Variants in MAN1A2 observed in about 807,000 individuals in gnomAD.
MAN1A2 encodes mannosyl-oligosaccharide 1,2-alpha-mannosidase IB.
A neutral mutation model predicts 75.7 loss-of-function variants in MAN1A2; 26 were observed. That is an observed-to-expected ratio of 0.34 (90% CI 0.25 to 0.48). The LOEUF is 0.48. MAN1A2 is among the 20% of genes least tolerant of loss of function. The probability of loss-of-function intolerance (pLI) is 0.99; values close to 1 mark genes in which losing one functional copy is unlikely to be tolerated. For missense variants in MAN1A2, 562 were observed against 775.5 expected, an observed-to-expected ratio of 0.72 and a Z score of 3.27; for synonymous variants, 247 against 264.6, an observed-to-expected ratio of 0.93 and a Z score of 0.65.
At chr1:117,445,892 A>ATATATATATATATG (rs1649218292) in intron 6 of MAN1A2, among the ~76,000 whole-genome samples, 1 of 144,558 alleles carries the variant, frequency 6.9e-6, no homozygotes, top group South Asian at 2.1e-4. Flanking sequence ...GTGTATATAT[A>ATATATATATATATG]TATATATGTA....
intron 8 of MAN1A2, among the ~76,000 whole-genome samples, chr1:117,478,079 G>A (rs1282400279): frequency 2.0e-5 from 3 of 152,120 alleles, no homozygotes; most frequent in East Asian, 3.9e-4. Context: ...ACTTACAAGG[G>A]ATGTGAAGGA....
chr1:117,372,762 TA>T (rs1258447758), intron 1 of MAN1A2, among the ~76,000 whole-genome samples: 1 of 151,768 alleles, frequency 6.6e-6, no homozygotes, highest in Non-Finnish European at 1.5e-5. Flanking sequence ...CTTTTTTTTT[TA>T]AAACTGACAT....
chr1:117,433,530 GA>G (rs1221338938), intron 5 of MAN1A2, among the ~76,000 whole-genome samples: 2 of 152,154 alleles, frequency 1.3e-5, no homozygotes, highest in Non-Finnish European at 2.9e-5. Context: ...GCATTGTAAT[GA>G]AAATCTTAGC....
At chr1:117,482,599 C>G (rs1650536114) in intron 8 of MAN1A2, among the ~76,000 whole-genome samples, 1 of 151,378 alleles carries the variant, frequency 6.6e-6, no homozygotes, top group Non-Finnish European at 1.5e-5. Context: ...TGTTTTTTTT[C>G]TTGTAAATTT....
In MAN1A2 at chr1:117,514,784, A is replaced by G. The variant is rs562327422; in HGVS notation, c.1794-8041A>G. ...TGAGGGGAAAAAACGGTTAGAGAAG[A>G]CTGAAAAACAAAGCCACTATTTCCT... On this transcript the variant is annotated intron_variant, in intron 12 of 12. Transcript: ENST00000356554. 7.6e-6 allele frequency: 4 copies of G among 529,588 alleles called. No individual in the cohort carries two copies. The East Asian group carries it at 1.6e-4, about 22-fold the overall frequency. 32.8% of individuals were successfully genotyped at this position (529,588 alleles called of 1,614,324 possible).
At chr1:117,464,894 A>G (rs1649936476) in intron 7 of MAN1A2, among the ~76,000 whole-genome samples, 1 of 152,186 alleles carries the variant, frequency 6.6e-6, no homozygotes, top group Non-Finnish European at 1.5e-5. Context: ...GTAATTTGTT[A>G]AAAAAGAACA....
chr1:117,520,706 A>C lies in MAN1A2; in HGVS notation c.1794-2119A>C, dbSNP rs564646540. Among the ~76,000 whole-genome samples, 3 of 152,128 alleles carry C rather than the reference A, an allele frequency of 2.0e-5. No homozygotes were observed. In the South Asian group the frequency reaches 6.2e-4, roughly 32 times the overall value. On this transcript the variant is annotated intron_variant, in intron 12 of 12. Transcript: ENST00000356554. Reference sequence around the variant, plus strand: ...CAGATGGAAACATCCCATGCTCATGAATGGGTAGAATGAATATTGTGAAAA... The same window carrying C: ...CAGATGGAAACATCCCATGCTCATGCATGGGTAGAATGAATATTGTGAAAA...
chr1:117,424,012 T>C (rs1648287762), intron 5 of MAN1A2, among the ~76,000 whole-genome samples: 1 of 151,716 alleles, frequency 6.6e-6, no homozygotes. Context: ...CCTTCCATAA[T>C]TGATTTTTAT....
In MAN1A2 at chr1:117,415,334, CT is replaced by C. The variant is rs1647953839; in HGVS notation, c.774+504del. On this transcript the variant is annotated intron_variant, in intron 4 of 12. Transcript: ENST00000356554. ...TATTTTCATTATCACCAGTCTTCAC[CT>C]AAAAGATGTGTGGACTGTTTTGTCA... Among the ~76,000 whole-genome samples the C allele has an allele frequency of 2.6e-5, 4 of 152,242 alleles. No individual in the cohort carries two copies. In the South Asian group the frequency reaches 8.3e-4, roughly 32 times the overall value.
intron 6 of MAN1A2, among the ~76,000 whole-genome samples, chr1:117,456,272 A>G (rs1382158905): frequency 6.6e-6 from 1 of 152,072 alleles, no homozygotes; most frequent in Non-Finnish European, 1.5e-5. Flanking sequence ...CACATAAATG[A>G]TATCATAGAT....
intron 4 of MAN1A2, among the ~76,000 whole-genome samples, chr1:117,418,629 A>G (rs1648090825): frequency 6.6e-6 from 1 of 151,926 alleles, no homozygotes. Flanking sequence ...CTATATGTCT[A>G]TGTGTGGGTT....
At chr1:117,369,959 C>T (rs1652903280) in intron 1 of MAN1A2, among the ~76,000 whole-genome samples, 1 of 152,086 alleles carries the variant, frequency 6.6e-6, no homozygotes, top group South Asian at 2.1e-4. Flanking sequence ...TAGTATCTGT[C>T]ATGTACTAAG....
At chr1:117,470,580 C>T (rs1650118069) in intron 8 of MAN1A2, among the ~76,000 whole-genome samples, 1 of 152,020 alleles carries the variant, frequency 6.6e-6, no homozygotes, top group African/African-American at 2.4e-5. Flanking sequence ...AATATATTCA[C>T]TCTCAGCAGT....
intron 1 of MAN1A2, among the ~76,000 whole-genome samples, chr1:117,381,948 AT>A (rs1282537837): frequency 6.6e-6 from 1 of 151,280 alleles, no homozygotes; most frequent in African/African-American, 2.4e-5. Flanking sequence ...GATGATGAGC[AT>A]TTTTTCATGT....
At chr1:117,379,711 A>G (rs1653269235) in intron 1 of MAN1A2, among the ~76,000 whole-genome samples, 1 of 152,080 alleles carries the variant, frequency 6.6e-6, no homozygotes, top group Non-Finnish European at 1.5e-5. Context: ...TCCATATTTC[A>G]CATAAATAGT....
At chr1:117,468,322 A>G (rs1012545734) in intron 8 of MAN1A2, among the ~76,000 whole-genome samples, 2 of 152,204 alleles carry the variant, frequency 1.3e-5, no homozygotes, top group African/African-American at 4.8e-5. Context: ...CCCACTCTCC[A>G]GAGTGTATAT....
chr1:117,372,838 G>T (rs1428464855), intron 1 of MAN1A2, among the ~76,000 whole-genome samples: 1 of 149,580 alleles, frequency 6.7e-6, no homozygotes, highest in African/African-American at 2.5e-5. Flanking sequence ...CCCAGCTTAT[G>T]AGCTGTTTAT....
intron 5 of MAN1A2, among the ~76,000 whole-genome samples, chr1:117,430,198 CGGGCGGGGGGCT>C (rs1326038533): frequency 0.075 from 6,932 of 92,070 alleles, 110 homozygotes; most frequent in Non-Finnish European, 0.095. Context: ...GGCGGCTGGC[CGGGCGGGGGGCT>C]GACCCCCCCA....
At chr1:117,431,985 A>C (rs1283185012) in intron 5 of MAN1A2, among the ~76,000 whole-genome samples, 1 of 152,180 alleles carries the variant, frequency 6.6e-6, no homozygotes, top group Non-Finnish European at 1.5e-5. Flanking sequence ...TTTGACCATG[A>C]TGGAATTAAA....
Sources: gnomAD v4.1 joint callset for allele counts (sites outside exome capture counted in the v4.1 genomes callset) on GRCh38, gnomAD v4.1.1 for gene constraint, MANE v1.5 for transcripts, NCBI Gene and HGNC (gene_info 2026-07-23, HGNC 2026-07-21) for gene names.